Variants in RASA1 observed in about 807,000 individuals in gnomAD.
The protein encoded by RASA1 is ras GTPase-activating protein 1.
In RASA1, 25 loss-of-function variants were observed where a neutral mutation model predicts 132.2. The observed-to-expected ratio is 0.19, with a 90% CI of 0.14 to 0.26. RASA1 has a LOEUF of 0.26. Among genes scored for constraint, RASA1 ranks in the 10% least tolerant of loss-of-function variants. The pLI, the probability that RASA1 is intolerant of heterozygous loss-of-function variation, is 1.00. For synonymous variants in RASA1, 477 were observed against 449.9 expected, an observed-to-expected ratio of 1.06 and a Z score of -0.76; for missense variants, 964 against 1,299.2, an observed-to-expected ratio of 0.74 and a Z score of 3.97.
At chr5:87,306,094 C>T (rs1755596737) in intron 1 of RASA1, among the ~76,000 whole-genome samples, 1 of 152,146 alleles carries the variant, frequency 6.6e-6, no homozygotes, top group African/African-American at 2.4e-5. Context: ...AAATACCATT[C>T]AACCCATAAA....
chr5:87,271,560 G>GCCCCT (rs1298060826), intron 1 of RASA1, among the ~76,000 whole-genome samples: 2 of 126,680 alleles, frequency 1.6e-5, no homozygotes, highest in African/African-American at 6.0e-5. Context: ...GCTCCGCCCC[G>GCCCCT]CCCCTCCCCG....
intron 1 of RASA1, among the ~76,000 whole-genome samples, chr5:87,302,668 G>A (rs1330643732): frequency 6.7e-6 from 1 of 149,774 alleles, no homozygotes. Flanking sequence ...GTTTTAACAA[G>A]TGGATGTACC....
intron 7 of RASA1, among the ~76,000 whole-genome samples, chr5:87,347,885 G>C (rs1028315791): frequency 6.6e-6 from 1 of 151,942 alleles, no homozygotes; most frequent in Non-Finnish European, 1.5e-5. Flanking sequence ...CCAAGTACTT[G>C]AGGTACTTTT....
chr5:87,320,523 C>T (rs959892577), intron 1 of RASA1, among the ~76,000 whole-genome samples: 3 of 152,172 alleles, frequency 2.0e-5, no homozygotes, highest in African/African-American at 7.2e-5. Context: ...GAAGCAAGAA[C>T]ATCTTCACAT....
At chr5:87,281,276 C>G (rs898327583) in intron 1 of RASA1, among the ~76,000 whole-genome samples, 3 of 148,018 alleles carry the variant, frequency 2.0e-5, no homozygotes, top group African/African-American at 7.5e-5. Context: ...GAGTTTCGCT[C>G]TTGTTGCCCA....
chr5:87,355,433 G>C (rs961404127), intron 9 of RASA1, among the ~76,000 whole-genome samples: 2 of 152,176 alleles, frequency 1.3e-5, no homozygotes, highest in South Asian at 2.1e-4. Flanking sequence ...TAGCCCATCT[G>C]TTTACAGCAT....
intron 1 of RASA1, among the ~76,000 whole-genome samples, chr5:87,302,600 A>G (rs746958149): frequency 7.9e-5 from 12 of 151,494 alleles, no homozygotes; most frequent in Non-Finnish European, 7.4e-5. Flanking sequence ...AGTATACTAT[A>G]CTGTATAGTA....
chr5:87,285,688 G>A (rs765886697), intron 1 of RASA1, among the ~76,000 whole-genome samples: 9 of 149,194 alleles, frequency 6.0e-5, no homozygotes, highest in Non-Finnish European at 1.0e-4. Flanking sequence ...CGTGATCTTG[G>A]CTCACTGCAA....
intron 23 of RASA1, among the ~76,000 whole-genome samples, chr5:87,387,934 G>A (rs1762178431): frequency 6.6e-6 from 1 of 152,124 alleles, no homozygotes; most frequent in Non-Finnish European, 1.5e-5. Flanking sequence ...CACAATCTAA[G>A]ATTTCATACT....
At chr5:87,349,847 A>G (rs1350996280) in intron 8 of RASA1, among the ~76,000 whole-genome samples, 2 of 151,902 alleles carry the variant, frequency 1.3e-5, no homozygotes, top group Non-Finnish European at 2.9e-5. Context: ...AAGTAAACTC[A>G]TTGTTTGTCC....
chr5:87,300,405 G>A (rs940749081), intron 1 of RASA1, among the ~76,000 whole-genome samples: 1 of 151,962 alleles, frequency 6.6e-6, no homozygotes, highest in African/African-American at 2.4e-5. Context: ...TGGCCTCTGC[G>A]TGTAATCCTA....
At chr5:87,388,248 T>C (rs1762204483) in intron 23 of RASA1, among the ~76,000 whole-genome samples, 1 of 152,218 alleles carries the variant, frequency 6.6e-6, no homozygotes. Context: ...TGAGTAACTG[T>C]GTTTCTCTGT....
chr5:87,377,961 CAGT>C (rs1761438713), intron 17 of RASA1, among the ~76,000 whole-genome samples: 1 of 152,154 alleles, frequency 6.6e-6, no homozygotes, highest in African/African-American at 2.4e-5. Context: ...TACTGAAACT[CAGT>C]AGACATATTT....
intron 24 of RASA1, among the ~76,000 whole-genome samples, chr5:87,390,102 C>T (rs1762388161): frequency 6.6e-6 from 1 of 152,052 alleles, no homozygotes. Context: ...CCATCTGCAC[C>T]AAACAGATAC....
In RASA1 at chr5:87,268,673, C is replaced by T; in HGVS notation, c.222C>T (p.Ala74=). The change falls in exon 1 of 25, where the codon GCC becomes GCT. Residue 74 remains alanine (A), a synonymous_variant. Coordinates refer to ENST00000274376, the MANE Select transcript of RASA1 (RefSeq NM_002890.3). ...CTTTGGGGTCAGAGTTCCTAGGAGCCGGGTCTGTGGCAGGGGCACTGGGGG... is the reference window on the plus strand; with the variant it reads ...CTTTGGGGTCAGAGTTCCTAGGAGCTGGGTCTGTGGCAGGGGCACTGGGGG... The part of the protein sequence containing the change: ...GAALGSEFLG[A]GSVAGALGGA... 1.9e-6 allele frequency: 3 copies of T among 1,611,214 alleles called. No homozygotes were observed. Among genetic ancestry groups the T allele is most frequent in the Non-Finnish European group, 2.5e-6 (3 of 1,178,842 alleles).
chr5:87,349,400 G>C, intron 8 of RASA1, 36 bp downstream of exon 8: 1 of 1,603,440 alleles, frequency 6.2e-7, no homozygotes, highest in African/African-American at 1.3e-5. Context: ...TTTACTTTTC[G>C]CAAAAATAGT....
chr5:87,302,591 GTATAC>G (rs1561266426), intron 1 of RASA1, among the ~76,000 whole-genome samples: 1 of 150,310 alleles, frequency 6.7e-6, no homozygotes, highest in African/African-American at 2.5e-5. Flanking sequence ...ATATACTATA[GTATAC>G]TATACTGTAT....
intron 22 of RASA1, 43 bp downstream of exon 22, chr5:87,385,432 A>G: frequency 7.1e-7 from 1 of 1,404,682 alleles, no homozygotes; most frequent in Non-Finnish European, 1.0e-6. Context: ...TATGAATGCA[A>G]GTTTGACATG....
At chr5:87,387,424 C>T (rs544535799) in intron 23 of RASA1, among the ~76,000 whole-genome samples, 7 of 152,144 alleles carry the variant, frequency 4.6e-5, no homozygotes, top group East Asian at 3.8e-4. Flanking sequence ...TACAAAATTA[C>T]GAATGAGGGT....
Sources: allele counts gnomAD v4.1 joint callset (sites outside exome capture counted in the v4.1 genomes callset), GRCh38; gene constraint gnomAD v4.1.1; transcripts MANE v1.5; gene names NCBI Gene and HGNC (gene_info 2026-07-23, HGNC 2026-07-21).